MCU: variants seen among roughly 807,000 people sequenced by gnomAD.
MCU encodes calcium uniporter protein, mitochondrial.
A neutral mutation model predicts 45.2 loss-of-function variants in MCU; 12 were observed. The observed-to-expected ratio is 0.27, with a 90% CI of 0.17 to 0.43. The LOEUF (loss-of-function observed/expected upper bound fraction) is 0.43. MCU is among the 20% of genes least tolerant of loss of function. The probability of loss-of-function intolerance (pLI) is 1.00; values close to 1 mark genes in which losing one functional copy is unlikely to be tolerated. For synonymous variants in MCU, 160 were observed against 165.1 expected (o/e 0.97, Z 0.24); for missense variants, 324 against 436.7 (o/e 0.74, Z 2.30).
At chr10:72,830,032 T>TA (rs1401853216) in intron 1 of MCU, among the ~76,000 whole-genome samples, 2 of 152,230 alleles carry the variant, frequency 1.3e-5, no homozygotes, top group African/African-American at 2.4e-5. Context: ...AACTGTTCTA[T>TA]AAGCAAGGAT....
At position 72,752,029 on chromosome 10, in the gene MCU, C is replaced by T. The variant is rs190220445; in HGVS notation, c.150+59728C>T. On this transcript the variant is annotated intron_variant, in intron 1 of 7. Transcript: ENST00000373053. ...CAATTTTTTGTATTTTTAATAGAGA[C>T]GGGGTTTCACCATGTTAGCCAGGAT... Among the ~76,000 whole-genome samples, 867 of 151,812 alleles carry T rather than the reference C, an allele frequency of 5.7e-3. 9 individuals are homozygous for T. Among genetic ancestry groups the T allele is most frequent in the African/African-American group, 0.02 (826 of 41,410 alleles).
At chr10:72,801,353 C>CTTTTTT (rs200952818) in intron 1 of MCU, among the ~76,000 whole-genome samples, 3 of 100,398 alleles carry the variant, frequency 3.0e-5, no homozygotes, top group African/African-American at 1.0e-4. Context: ...ATAATGCTTT[C>CTTTTTT]TTTTTTTTTT....
At chr10:72,781,080 A>G (rs1843986650) in intron 1 of MCU, among the ~76,000 whole-genome samples, 1 of 152,214 alleles carries the variant, frequency 6.6e-6, no homozygotes. Flanking sequence ...TTTTTAAAGA[A>G]TTGGAACACT....
intron 1 of MCU, among the ~76,000 whole-genome samples, chr10:72,768,030 A>G (rs1471370108): frequency 1.3e-5 from 2 of 152,168 alleles, no homozygotes; most frequent in African/African-American, 2.4e-5. Context: ...GACTTGTACT[A>G]TCTATTAAGA....
chr10:72,805,101 C>CTCTTTCTTTCCTTCTT (rs1844414565), intron 1 of MCU, among the ~76,000 whole-genome samples: 1 of 103,398 alleles, frequency 9.7e-6, no homozygotes, highest in Admixed American at 1.1e-4. Context: ...TTCTTTCTTT[C>CTCTTTCTTTCCTTCTT]TCTTTCTTTC....
chr10:72,807,031 A>G (rs1844463261), intron 1 of MCU, among the ~76,000 whole-genome samples: 1 of 152,218 alleles, frequency 6.6e-6, no homozygotes, highest in African/African-American at 2.4e-5. Flanking sequence ...TCACAAAATA[A>G]CACAGCTCTA....
intron 2 of MCU, among the ~76,000 whole-genome samples, chr10:72,851,200 A>G (rs912170933): frequency 1.2e-4 from 18 of 152,204 alleles, no homozygotes; most frequent in African/African-American, 4.3e-4. Context: ...AAAAAGCATC[A>G]TGCTCTTTAA....
rs184836426 is a variant in MCU at position 72,740,035 on chromosome 10, C to T, written c.150+47734C>T. 1.8e-3 allele frequency among the ~76,000 whole-genome samples: 274 copies of T among 151,684 alleles called. 2 individuals carry two copies. Among genetic ancestry groups the T allele is most frequent in the African/African-American group, 5.5e-3 (226 of 41,402 alleles). ...CCCATCAATCATTGTCTTTTCTCCT[C>T]GATGTGTGTTGGTTAGTAGCTGTCT... On this transcript the variant is annotated intron_variant, in intron 1 of 7. Coordinates refer to ENST00000373053, the MANE Select transcript of MCU (RefSeq NM_138357.3).
chr10:72,784,050 T>TGAAGCCGGGGG (rs1844035559), intron 1 of MCU, among the ~76,000 whole-genome samples: 1 of 152,200 alleles, frequency 6.6e-6, no homozygotes, highest in African/African-American at 2.4e-5. Context: ...TTGATCCAAG[T>TGAAGCCGGGGG]GAAGCCGGGG....
At chr10:72,824,774 G>A (rs1844771386) in intron 1 of MCU, among the ~76,000 whole-genome samples, 1 of 152,106 alleles carries the variant, frequency 6.6e-6, no homozygotes, top group African/African-American at 2.4e-5. Flanking sequence ...TCTCATTGCA[G>A]GGGAATAAGA....
chr10:72,878,950 A>T (rs1377390434), intron 6 of MCU, among the ~76,000 whole-genome samples: 1 of 152,174 alleles, frequency 6.6e-6, no homozygotes, highest in African/African-American at 2.4e-5. Flanking sequence ...AAGAATCCCA[A>T]CCAATACCAG....
intron 1 of MCU, among the ~76,000 whole-genome samples, chr10:72,743,099 A>G (rs922963765): frequency 6.6e-6 from 1 of 151,820 alleles, no homozygotes; most frequent in African/African-American, 2.4e-5. Flanking sequence ...CCCGTCATTC[A>G]CTGTCTCGAG....
At chr10:72,817,954 C>T (rs968304354) in intron 1 of MCU, among the ~76,000 whole-genome samples, 1 of 152,080 alleles carries the variant, frequency 6.6e-6, no homozygotes, top group African/African-American at 2.4e-5. Flanking sequence ...CTAACTCTAA[C>T]CTCTAAATGT....
intron 1 of MCU, chr10:72,693,051 A>G: frequency 2.0e-6 from 3 of 1,536,186 alleles, no homozygotes; most frequent in Non-Finnish European, 2.6e-6. Context: ...CAGCAGGCAC[A>G]GGAGAAGCGA....
intron 1 of MCU, among the ~76,000 whole-genome samples, chr10:72,720,608 A>G (rs1843008505): frequency 6.6e-6 from 1 of 152,076 alleles, no homozygotes; most frequent in African/African-American, 2.4e-5. Flanking sequence ...TCTCCTTTCC[A>G]ATTTATAGAA....
chr10:72,734,612 TACAA>T (rs764789808), intron 1 of MCU, among the ~76,000 whole-genome samples: 1 of 152,086 alleles, frequency 6.6e-6, no homozygotes, highest in African/African-American at 2.4e-5. Flanking sequence ...ATAATTTCCT[TACAA>T]ACAATCACTG....
intron 1 of MCU, among the ~76,000 whole-genome samples, chr10:72,752,493 A>C (rs1347672606): frequency 6.6e-6 from 1 of 152,220 alleles, no homozygotes; most frequent in Non-Finnish European, 1.5e-5. Context: ...ATGACGTTGA[A>C]AACATTCTTT....
At chr10:72,729,114 C>G (rs1000502881) in intron 1 of MCU, among the ~76,000 whole-genome samples, 1 of 152,168 alleles carries the variant, frequency 6.6e-6, no homozygotes, top group East Asian at 1.9e-4. Flanking sequence ...GCTCTAAACC[C>G]AAATGTACGC....
At chr10:72,830,842 A>T (rs535723713) in intron 1 of MCU, among the ~76,000 whole-genome samples, 1 of 152,198 alleles carries the variant, frequency 6.6e-6, no homozygotes, top group Non-Finnish European at 1.5e-5. Context: ...CAGATCCCCA[A>T]CAAAGCCAGC....
Sources: gnomAD v4.1 joint callset for allele counts (sites outside exome capture counted in the v4.1 genomes callset) on GRCh38, gnomAD v4.1.1 for gene constraint, MANE v1.5 for transcripts, NCBI Gene and HGNC (gene_info 2026-07-23, HGNC 2026-07-21) for gene names.